The following CASZ1 variants were observed in gnomAD, a reference collection of about 807,000 sequenced individuals.
CASZ1 encodes the protein castor zinc finger 1, also known as zinc finger protein castor homolog 1.
In CASZ1, 28 loss-of-function variants were observed where a neutral mutation model predicts 135.2. That is an observed-to-expected ratio of 0.21 (90% CI 0.15 to 0.28). CASZ1 has a LOEUF of 0.28. CASZ1 is among the 10% of genes least tolerant of loss of function. CASZ1 has a pLI of 1.00. For synonymous variants in CASZ1, 1,068 were observed against 1,073.4 expected (o/e 0.99, Z 0.10); for missense variants, 2,161 against 2,453.3 (o/e 0.88, Z 2.52).
rs1031011575 is a variant in CASZ1 at position 10,659,785 on chromosome 1, G to T, written c.1257C>A (p.Ser419=). The T allele has an allele frequency of 2.5e-6, 4 of 1,613,898 alleles. No homozygotes were observed. The highest frequency in any genetic ancestry group is 3.4e-6 in the Non-Finnish European group (4 of 1,179,916). Residue 419 remains serine (S), a synonymous_variant, in exon 6 of 21, where the codon TCC becomes TCA. Coordinates refer to ENST00000377022, the MANE Select transcript of CASZ1 (RefSeq NM_001079843.3). ...APGPGPEPPA[S]LSFNTPEYLK... is the part of the protein sequence containing the mutation. ...GGTACTCGGGAGTGTTGAAGGACAG[G>T]GAGGCAGGAGGCTCTGGCCCTGGCC...
At position 10,639,101 on chromosome 1, in the gene CASZ1, G is replaced by A. The variant is rs1307827740; in HGVS notation, c.5121C>T (p.Asp1707=). 8.7e-7 allele frequency: 1 copy of A among 1,146,242 alleles called. No homozygotes were observed. The allele number at this position is 1,146,242 out of a possible 1,614,324, so 71.0% of individuals were successfully genotyped here. ...GCAGGTCCTCGTCGTCGTCGTCCTCGTCGTCGTCCTCGTCGTCGTCGTCCT... is the reference window on the plus strand; with the variant it reads ...GCAGGTCCTCGTCGTCGTCGTCCTCATCGTCGTCCTCGTCGTCGTCGTCCT... ...DDEDDDDEDD[D]EDDDDEDLRT... is the part of the protein sequence containing the mutation. Residue 1707 remains aspartate, a synonymous_variant, in exon 21 of 21, where the codon GAC becomes GAT. Transcript: ENST00000377022. The surrounding 1 kb of genome is among the most constrained non-coding windows in gnomAD (Gnocchi z 4.0).
At position 10,700,539 on chromosome 1, in the gene CASZ1, A is replaced by G. The variant is rs1639041297; in HGVS notation, c.-24+4953T>C. Among the ~76,000 whole-genome samples the G allele has an allele frequency of 6.6e-6, 1 of 152,176 alleles. No individual in the cohort carries two copies. The highest frequency in any genetic ancestry group is 3.2e-3 in the Middle Eastern group (1 of 316). On this transcript the variant is annotated intron_variant, in intron 3 of 20. Transcript: ENST00000377022. The surrounding 1 kb of genome is among the most constrained non-coding windows in gnomAD (Gnocchi z 4.2). ...CCTGAGCCTGAACTGTCAGACACAC[A>G]TGATAGGCACATGTGTGTCAGGGGT...
Position 10,639,069 on chromosome 1 carries a change from T to C in CASZ1, c.5153A>G (p.Asp1718Gly). The change falls in exon 21 of 21, where the codon GAC becomes GGC. Residue 1718 changes from aspartate to glycine, a missense_variant. Around this residue, in one of 7 missense-constraint regions of CASZ1, gnomAD observed 185 missense variants for 134.7 expected, o/e 1.37. Coordinates refer to ENST00000377022, the MANE Select transcript of CASZ1 (RefSeq NM_001079843.3). The surrounding 1 kb of genome is among the most constrained non-coding windows in gnomAD (Gnocchi z 4.0). ...CGCCTCGGGCAGCGACTCCTCCGAGTCGGTGCGCAGGTCCTCGTCGTCGTC... is the reference window on the plus strand; with the variant it reads ...CGCCTCGGGCAGCGACTCCTCCGAGCCGGTGCGCAGGTCCTCGTCGTCGTC... ...EDDDDEDLRTDSEESLPEAAA... is the reference protein window; with the variant it reads ...EDDDDEDLRTGSEESLPEAAA... 2 of 1,126,194 alleles carry C rather than the reference T, an allele frequency of 1.8e-6. No homozygotes were observed. Among genetic ancestry groups the C allele is most frequent in the Non-Finnish European group, 1.1e-6 (1 of 898,840 alleles). The allele number at this position is 1,126,194 out of a possible 1,614,324, so 69.8% of individuals were successfully genotyped here.
At chr1:10,716,314 C>A (rs1284952663) in intron 2 of CASZ1, among the ~76,000 whole-genome samples, 1 of 152,240 alleles carries the variant, frequency 6.6e-6, no homozygotes, top group Non-Finnish European at 1.5e-5. Flanking sequence ...CGCTCCCCAT[C>A]CACATGGCTC....
At chr1:10,733,966 C>A (rs1639748110) in intron 2 of CASZ1, among the ~76,000 whole-genome samples, 1 of 152,226 alleles carries the variant, frequency 6.6e-6, no homozygotes, top group Non-Finnish European at 1.5e-5. Context: ...TTAACTGTTA[C>A]ATTAATAACT....
chr1:10,678,508 A>C (rs1489546072), intron 4 of CASZ1, among the ~76,000 whole-genome samples: 3 of 152,046 alleles, frequency 2.0e-5, no homozygotes, highest in Non-Finnish European at 4.4e-5. Context: ...AGGGGGCCCG[A>C]GGCCGGGGCT....
At chr1:10,669,581 G>A (rs1643342233) in intron 4 of CASZ1, among the ~76,000 whole-genome samples, 1 of 152,204 alleles carries the variant, frequency 6.6e-6, no homozygotes, top group Admixed American at 6.5e-5. Context: ...TGGGTGAGAG[G>A]GGCGTTCCTG....
chr1:10,729,959 C>T (rs1346227548), intron 2 of CASZ1, among the ~76,000 whole-genome samples: 1 of 151,842 alleles, frequency 6.6e-6, no homozygotes. Flanking sequence ...GGACTACAGG[C>T]CTGTGCCACC....
In CASZ1 at chr1:10,751,142, G is replaced by A. The variant is rs74799421; in HGVS notation, c.-77+9559C>T. On this transcript the variant is annotated intron_variant, in intron 2 of 20. Transcript: ENST00000377022. Reference sequence around the variant, plus strand: ...AGTCTGTAAACCTTGTTTCAGATGCGGCTAAAAGGGAATAGGAAAGATCTG... The same window carrying A: ...AGTCTGTAAACCTTGTTTCAGATGCAGCTAAAAGGGAATAGGAAAGATCTG... Among the ~76,000 whole-genome samples the A allele has an allele frequency of 3.6e-3, 550 of 151,916 alleles. 1 individual carries two copies. Among genetic ancestry groups the A allele is most frequent in the African/African-American group, 0.013 (533 of 41,420 alleles).
chr1:10,678,519 G>T (rs1638307104), intron 4 of CASZ1, among the ~76,000 whole-genome samples: 1 of 152,176 alleles, frequency 6.6e-6, no homozygotes, highest in African/African-American at 2.4e-5. Context: ...GGCCGGGGCT[G>T]AAGATCCCAG....
Position 10,647,303 on chromosome 1 carries a change from C to T in CASZ1, c.3497+498G>A. ...CGTTCTCCCTGCAAGGAGCCACCAC[C>T]ATCCAGTGAGGAGGGTCCCTTCCAC... is the stretch of plus-strand genomic sequence containing the variant. On this transcript the variant is annotated intron_variant, in intron 16 of 20. Coordinates refer to ENST00000377022, the MANE Select transcript of CASZ1 (RefSeq NM_001079843.3). The surrounding 1 kb of genome is among the most constrained non-coding windows in gnomAD (Gnocchi z 4.9). 4.0e-6 allele frequency: 4 copies of T among 1,001,906 alleles called. No individual in the cohort carries two copies. The South Asian group carries it at 1.7e-4, about 43-fold the overall frequency. The allele number at this position is 1,001,906 out of a possible 1,614,324, so 62.1% of individuals were successfully genotyped here. A position where few individuals can be genotyped will look rare whatever the true frequency, so the allele number is the denominator to read the frequency against.
chr1:10,659,801 G>A lies in CASZ1; in HGVS notation c.1241C>T (p.Pro414Leu). 1.2e-6 allele frequency: 2 copies of A among 1,613,866 alleles called. No homozygotes were observed. Among genetic ancestry groups the A allele is most frequent in the Non-Finnish European group, 1.7e-6 (2 of 1,179,846 alleles). The change falls in exon 6 of 21, where the codon CCA becomes CTA. Residue 414 changes from proline (P) to leucine (L), a missense_variant. Transcript: ENST00000377022. ...GAAGGACAGGGAGGCAGGAGGCTCTGGCCCTGGCCCGGGGGCGCTGGGGGC... is the reference window on the plus strand; with the variant it reads ...GAAGGACAGGGAGGCAGGAGGCTCTAGCCCTGGCCCGGGGGCGCTGGGGGC... ...PSAPSAPGPG[P>L]EPPASLSFNT...
chr1:10,782,379 CCTT>C (rs1183647728), intron 1 of CASZ1, among the ~76,000 whole-genome samples: 1 of 152,218 alleles, frequency 6.6e-6, no homozygotes, highest in Non-Finnish European at 1.5e-5. Flanking sequence ...ACATCGAAAT[CCTT>C]CTTTACAAAC....
In CASZ1 at chr1:10,679,924, G is replaced by A. The variant is rs898375181; in HGVS notation, c.16+13950C>T. ...CTTCCAGCATCCCTACCCATTACCC[G>A]TCCCAAACCCAGCTGCCAAGTGAGG... On this transcript the variant is annotated intron_variant, in intron 4 of 20. Transcript: ENST00000377022. The surrounding 1 kb of genome is among the most constrained non-coding windows in gnomAD (Gnocchi z 4.7). Among the ~76,000 whole-genome samples the A allele has an allele frequency of 5.3e-5, 8 of 152,110 alleles. No homozygotes were observed. Among genetic ancestry groups the A allele is most frequent in the Non-Finnish European group, 1.2e-4 (8 of 68,016 alleles).
At chr1:10,743,670 GGC>G (rs1553138776) in intron 2 of CASZ1, among the ~76,000 whole-genome samples, 1 of 144,006 alleles carries the variant, frequency 6.9e-6, no homozygotes, top group African/African-American at 2.6e-5. Flanking sequence ...AAAATGGGGG[GGC>G]GGGGTGCGGG....
chr1:10,696,393 C>T (rs539453757), intron 3 of CASZ1, among the ~76,000 whole-genome samples: 1 of 152,360 alleles, frequency 6.6e-6, no homozygotes, highest in Admixed American at 6.5e-5. Context: ...AATAAGGGAA[C>T]AGAACTACCC....
At chr1:10,718,990 G>A (rs147328406) in intron 2 of CASZ1, among the ~76,000 whole-genome samples, 14 of 152,050 alleles carry the variant, frequency 9.2e-5, no homozygotes, top group Middle Eastern at 3.4e-3. Flanking sequence ...TCTGCTCACT[G>A]CAACCTCTGC....
rs1227080167 is a variant in CASZ1, at chr1:10,735,040, G to A, written c.-77+25661C>T. Among the ~76,000 whole-genome samples, 5 of 152,172 alleles carry A rather than the reference G, an allele frequency of 3.3e-5. No homozygotes were observed. The highest frequency in any genetic ancestry group is 5.9e-5 in the Non-Finnish European group (4 of 68,034). On this transcript the variant is annotated intron_variant, in intron 2 of 20. Transcript: ENST00000377022. The surrounding 1 kb of genome is among the most constrained non-coding windows in gnomAD (Gnocchi z 5.1). The stretch of plus-strand genomic sequence containing the variant: ...CCCATGACCAACGGGACCCTGGGAG[G>A]ACGCAAGGGAGCTTCTACCCCATTG...
rs139838004 is a variant in CASZ1 at position 10,689,968 on chromosome 1, C to T, written c.16+3906G>A. ...ATTCTGTCCCGGGCTCTGACAGCTCCTTTCTGCCAAGATGGCCCCAGAGCA... is the reference window on the plus strand; with the variant it reads ...ATTCTGTCCCGGGCTCTGACAGCTCTTTTCTGCCAAGATGGCCCCAGAGCA... On this transcript the variant is annotated intron_variant, in intron 4 of 20. Coordinates refer to ENST00000377022, the MANE Select transcript of CASZ1 (RefSeq NM_001079843.3). 3.1e-3 allele frequency among the ~76,000 whole-genome samples: 469 copies of T among 152,370 alleles called. 4 individuals are homozygous for T. Among genetic ancestry groups the T allele is most frequent in the African/African-American group, 0.011 (450 of 41,582 alleles).
Sources: gnomAD v4.1 joint callset for allele counts (sites outside exome capture counted in the v4.1 genomes callset) on GRCh38, gnomAD v4.1.1 for gene constraint, gnomAD v4.1.1 regional missense constraint, Gnocchi (gnomAD v3.1) non-coding constraint, MANE v1.5 for transcripts, NCBI Gene and HGNC (gene_info 2026-07-23, HGNC 2026-07-21) for gene names.